PLEKHA5: variants seen among roughly 807,000 people sequenced by gnomAD.
PLEKHA5 encodes pleckstrin homology domain-containing family A member 5.
PLEKHA5 carries 55 observed loss-of-function variants against 181.9 expected under a neutral mutation model. That is an observed-to-expected ratio of 0.30 (90% CI 0.24 to 0.38). The LOEUF (loss-of-function observed/expected upper bound fraction) is 0.38. Ranked by LOEUF, PLEKHA5 falls within the 10% of genes least tolerant of loss-of-function variation. The pLI is 1.00. For synonymous variants in PLEKHA5, 535 were observed against 529.4 expected, an observed-to-expected ratio of 1.01 and a Z score of -0.15; for missense variants, 1,432 against 1,549.5, an observed-to-expected ratio of 0.92 and a Z score of 1.27.
At chr12:19,295,410 G>A (rs886345164) in intron 15 of PLEKHA5, among the ~76,000 whole-genome samples, 2 of 152,158 alleles carry the variant, frequency 1.3e-5, no homozygotes, top group Admixed American at 1.3e-4. Context: ...TGCCCTTGCT[G>A]TGTACTTGCC....
intron 3 of PLEKHA5, among the ~76,000 whole-genome samples, chr12:19,231,213 T>C (rs2060486037): frequency 6.6e-6 from 1 of 152,118 alleles, no homozygotes; most frequent in Non-Finnish European, 1.5e-5. Flanking sequence ...AACACTATCA[T>C]ATGTTTAATT....
chr12:19,369,445 C>A (rs554729769), intron 30 of PLEKHA5, among the ~76,000 whole-genome samples: 1 of 151,770 alleles, frequency 6.6e-6, no homozygotes. Context: ...TTCGGGAGAC[C>A]AAGATGGGAG....
intron 28 of PLEKHA5, among the ~76,000 whole-genome samples, chr12:19,361,008 G>T (rs976659270): frequency 1.3e-5 from 2 of 152,222 alleles, no homozygotes; most frequent in Non-Finnish European, 2.9e-5. Flanking sequence ...GCCCGCCTCA[G>T]CCTCCCAAAG....
In PLEKHA5 at chr12:19,147,553, G is replaced by T. The variant is rs58751950; in HGVS notation, c.227+15103G>T. 2.1e-3 allele frequency among the ~76,000 whole-genome samples: 316 copies of T among 151,802 alleles called. 3 individuals are homozygous for T. Among genetic ancestry groups the T allele is most frequent in the African/African-American group, 7.4e-3 (305 of 41,404 alleles). ...TATGAAAAGACAACTTTGAATGAAG[G>T]TGTTGCTGCTGTTTGAAAAAGATAT... On this transcript the variant is annotated intron_variant, in intron 3 of 31. Coordinates refer to ENST00000429027, the MANE Select transcript of PLEKHA5 (RefSeq NM_001256470.2).
At chr12:19,178,274 C>A (rs138704824) in intron 3 of PLEKHA5, among the ~76,000 whole-genome samples, 94 of 152,274 alleles carry the variant, frequency 6.2e-4, no homozygotes, top group African/African-American at 2.2e-3. Flanking sequence ...TGATTTTTCT[C>A]TTGTACATTA....
intron 16 of PLEKHA5, among the ~76,000 whole-genome samples, chr12:19,318,744 G>A (rs1592470715): frequency 6.6e-6 from 1 of 152,120 alleles, no homozygotes; most frequent in Admixed American, 6.6e-5. Context: ...CCAACATGGT[G>A]AAACCCCGTC....
At chr12:19,319,820 G>A in intron 16 of PLEKHA5, 2 of 395,926 alleles carry the variant, frequency 5.1e-6, no homozygotes, top group Non-Finnish European at 9.0e-6. Context: ...AATGTACTGG[G>A]CAGAAGCTGA....
intron 24 of PLEKHA5, among the ~76,000 whole-genome samples, chr12:19,347,445 C>T (rs1463581856): frequency 6.6e-6 from 1 of 150,892 alleles, no homozygotes; most frequent in Non-Finnish European, 1.5e-5. Flanking sequence ...GTAACTTTTC[C>T]CATGATGAAG....
At chr12:19,146,800 G>A (rs1416319597) in intron 3 of PLEKHA5, among the ~76,000 whole-genome samples, 2 of 152,186 alleles carry the variant, frequency 1.3e-5, no homozygotes, top group Non-Finnish European at 2.9e-5. Context: ...TGGGCACCAA[G>A]AATTGTGGTG....
intron 21 of PLEKHA5, among the ~76,000 whole-genome samples, chr12:19,340,385 C>T (rs1331026361): frequency 9.3e-4 from 136 of 145,686 alleles, no homozygotes; most frequent in African/African-American, 3.3e-3. Flanking sequence ...AGCCCCCCGC[C>T]CGGCCAGCCG....
chr12:19,375,222 A>T (rs900721952), intron 31 of PLEKHA5, among the ~76,000 whole-genome samples: 2 of 150,896 alleles, frequency 1.3e-5, no homozygotes, highest in Non-Finnish European at 3.0e-5. Context: ...TAGTTGGGAG[A>T]CTGAGGCAGG....
intron 15 of PLEKHA5, chr12:19,306,426 A>G: frequency 3.5e-6 from 2 of 573,838 alleles, no homozygotes; most frequent in South Asian, 1.5e-5. Flanking sequence ...GGCGACGGCG[A>G]CTGGAGCAGC....
intron 15 of PLEKHA5, among the ~76,000 whole-genome samples, chr12:19,295,068 T>C (rs1733057989): frequency 6.6e-6 from 1 of 152,238 alleles, no homozygotes; most frequent in Admixed American, 6.5e-5. Flanking sequence ...AGCCCTGGTT[T>C]ATTTGTCATT....
At position 19,354,143 on chromosome 12, in the gene PLEKHA5, C is replaced by CTTTTTTTTTTTTTTTTTTTTTT. The variant is rs750923063; in HGVS notation, c.3138+146_3138+167dup. On this transcript the variant is annotated intron_variant, in intron 26 of 31. Coordinates refer to ENST00000429027, the MANE Select transcript of PLEKHA5 (RefSeq NM_001256470.2). ...TTAGTAATCTTAGTTATTCTTTATT[C>CTTTTTTTTTTTTTTTTTTTTTT]TTTTTTTTTTTTTTTTTTTTTTTTT... The CTTTTTTTTTTTTTTTTTTTTTT allele has an allele frequency of 1.1e-4, 8 of 73,892 alleles. 2 individuals carry two copies. The highest frequency in any genetic ancestry group is 1.6e-4 in the Non-Finnish European group (7 of 43,890). 4.6% of individuals were successfully genotyped at this position (73,892 alleles called of 1,614,324 possible).
intron 15 of PLEKHA5, among the ~76,000 whole-genome samples, chr12:19,312,857 T>G (rs770821779): frequency 2.4e-4 from 36 of 152,234 alleles, no homozygotes; most frequent in Admixed American, 9.2e-4. Context: ...TCGGCCTGTC[T>G]CAGCTTTTCC....
intron 21 of PLEKHA5, among the ~76,000 whole-genome samples, chr12:19,340,408 G>C (rs796188983): frequency 1.8e-5 from 2 of 114,052 alleles, no homozygotes; most frequent in African/African-American, 2.8e-5. Flanking sequence ...CCGTCCGGGA[G>C]GTGAGGGGCG....
intron 3 of PLEKHA5, among the ~76,000 whole-genome samples, chr12:19,137,686 C>T (rs562972969): frequency 1.3e-5 from 2 of 152,212 alleles, no homozygotes; most frequent in South Asian, 2.1e-4. Flanking sequence ...TTGTCTCTTT[C>T]GTTTTCAAGT....
intron 3 of PLEKHA5, among the ~76,000 whole-genome samples, chr12:19,145,600 G>A (rs1170136213): frequency 3.3e-5 from 5 of 152,054 alleles, no homozygotes; most frequent in East Asian, 3.9e-4. Flanking sequence ...GGTCAATATC[G>A]TTCTTTCAAT....
At chr12:19,162,866 A>G (rs905114254) in intron 3 of PLEKHA5, among the ~76,000 whole-genome samples, 1 of 152,176 alleles carries the variant, frequency 6.6e-6, no homozygotes, top group African/African-American at 2.4e-5. Flanking sequence ...CACAATATTT[A>G]AAGTGTGTGA....
Sources: allele counts gnomAD v4.1 joint callset (sites outside exome capture counted in the v4.1 genomes callset), GRCh38; gene constraint gnomAD v4.1.1; transcripts MANE v1.5; gene names NCBI Gene and HGNC (gene_info 2026-07-23, HGNC 2026-07-21).